SH3GL2: variants seen among roughly 807,000 people sequenced by gnomAD.
SH3GL2 encodes the protein SH3 domain containing GRB2 like 2, endophilin A1.
SH3GL2 carries 24 observed loss-of-function variants against 46.0 expected under a neutral mutation model. That is an observed-to-expected ratio of 0.52 (90% CI 0.38 to 0.73). SH3GL2 has a LOEUF of 0.73. Ranked by LOEUF, SH3GL2 falls within the 30% of genes least tolerant of loss-of-function variation. SH3GL2 has a pLI of 0.00. For synonymous variants in SH3GL2, 196 were observed against 147.1 expected (o/e 1.33, Z -2.40); for missense variants, 413 against 424.2 (o/e 0.97, Z 0.23).
intron 1 of SH3GL2, among the ~76,000 whole-genome samples, chr9:17,670,351 T>C (rs752450630): frequency 3.9e-5 from 6 of 152,206 alleles, no homozygotes; most frequent in Non-Finnish European, 7.3e-5. Context: ...GAAGGGAAGT[T>C]CTGCGAAGGA....
At chr9:17,674,284 T>C (rs1487452192) in intron 1 of SH3GL2, among the ~76,000 whole-genome samples, 1 of 152,168 alleles carries the variant, frequency 6.6e-6, no homozygotes, top group Non-Finnish European at 1.5e-5. Flanking sequence ...TTTATTTTTT[T>C]AAGACGGAGT....
At chr9:17,739,981 C>T (rs1822477020) in intron 1 of SH3GL2, among the ~76,000 whole-genome samples, 1 of 152,038 alleles carries the variant, frequency 6.6e-6, no homozygotes, top group Non-Finnish European at 1.5e-5. Context: ...GGAAAAAGGC[C>T]AAGTACTTAA....
At chr9:17,734,275 T>C (rs1349958369) in intron 1 of SH3GL2, among the ~76,000 whole-genome samples, 1 of 152,092 alleles carries the variant, frequency 6.6e-6, no homozygotes. Context: ...GTAGAAGCAT[T>C]TTGGAAGTTT....
chr9:17,692,382 C>T (rs887091756), intron 1 of SH3GL2, among the ~76,000 whole-genome samples: 2 of 151,866 alleles, frequency 1.3e-5, no homozygotes, highest in African/African-American at 4.8e-5. Flanking sequence ...TGGTGACTCA[C>T]ACCTGTAATT....
intron 1 of SH3GL2, among the ~76,000 whole-genome samples, chr9:17,670,619 G>A (rs958866048): frequency 6.6e-6 from 1 of 152,122 alleles, no homozygotes; most frequent in African/African-American, 2.4e-5. Context: ...GGAACAAGTA[G>A]CATTTTCTTT....
intron 1 of SH3GL2, among the ~76,000 whole-genome samples, chr9:17,652,218 T>G (rs1819974727): frequency 6.6e-6 from 1 of 152,138 alleles, no homozygotes; most frequent in Non-Finnish European, 1.5e-5. Flanking sequence ...TGTTACTGTT[T>G]TAGGTGCATG....
At chr9:17,723,017 G>A (rs3808690) in intron 1 of SH3GL2, among the ~76,000 whole-genome samples, 86,307 of 151,964 alleles carry the variant, frequency 0.57, 26,301 homozygotes, top group African/African-American at 0.78. Context: ...GACTAGCACT[G>A]TACAGTCAAA....
chr9:17,627,877 A>G (rs915260598), intron 1 of SH3GL2, among the ~76,000 whole-genome samples: 8 of 152,192 alleles, frequency 5.3e-5, no homozygotes, highest in African/African-American at 4.8e-5. Context: ...GTGACTCAAT[A>G]TAACAGTGGT....
intron 3 of SH3GL2, among the ~76,000 whole-genome samples, chr9:17,770,512 T>C (rs1457531534): frequency 6.6e-6 from 1 of 152,088 alleles, no homozygotes; most frequent in Non-Finnish European, 1.5e-5. Context: ...TCCCGTTGGG[T>C]GTAGATGGAA....
intron 1 of SH3GL2, among the ~76,000 whole-genome samples, chr9:17,657,187 G>T (rs1028913870): frequency 6.6e-6 from 1 of 152,162 alleles, no homozygotes; most frequent in Non-Finnish European, 1.5e-5. Flanking sequence ...TTAGTTGCCA[G>T]GCACTTTACA....
intron 1 of SH3GL2, among the ~76,000 whole-genome samples, chr9:17,631,959 G>A (rs950170692): frequency 6.6e-6 from 1 of 152,142 alleles, no homozygotes; most frequent in East Asian, 1.9e-4. Context: ...CATGTTAAAA[G>A]TCTTAATTTT....
intron 1 of SH3GL2, among the ~76,000 whole-genome samples, chr9:17,710,676 A>G (rs1172561880): frequency 6.6e-6 from 1 of 152,054 alleles, no homozygotes; most frequent in Non-Finnish European, 1.5e-5. Flanking sequence ...AATGTGGTAT[A>G]TATATGTGCA....
Position 17,724,957 on chromosome 9 carries a change from T to G in SH3GL2, c.46-22109T>G, listed in dbSNP as rs148133881. On this transcript the variant is annotated intron_variant, in intron 1 of 8. Coordinates refer to ENST00000380607, the MANE Select transcript of SH3GL2 (RefSeq NM_003026.5). ...CTTTCACGGTTCAGGGAATTTATAC[T>G]TTTGTCCTGAGTTCCACAAGGCTCT... Among the ~76,000 whole-genome samples, 257 of 152,258 alleles carry G rather than the reference T, an allele frequency of 1.7e-3. 1 individual carries two copies. Among genetic ancestry groups the G allele is most frequent in the East Asian group, 0.011 (57 of 5,154 alleles).
chr9:17,775,402 T>A (rs966342537), intron 3 of SH3GL2, among the ~76,000 whole-genome samples: 1 of 152,216 alleles, frequency 6.6e-6, no homozygotes, highest in Non-Finnish European at 1.5e-5. Context: ...CTGTACTTCA[T>A]TTTCCATCTG....
chr9:17,712,091 T>C (rs1464270777), intron 1 of SH3GL2, among the ~76,000 whole-genome samples: 2 of 151,834 alleles, frequency 1.3e-5, no homozygotes, highest in African/African-American at 4.8e-5. Flanking sequence ...TTTATGTGCT[T>C]TTTTTGCTAT....
chr9:17,610,979 A>G (rs1008257560), intron 1 of SH3GL2, among the ~76,000 whole-genome samples: 2 of 152,234 alleles, frequency 1.3e-5, no homozygotes, highest in Non-Finnish European at 2.9e-5. Flanking sequence ...AAAGTGTTAA[A>G]TAAAACCCTT....
chr9:17,760,795 C>G (rs1823147794), intron 2 of SH3GL2, among the ~76,000 whole-genome samples: 1 of 152,276 alleles, frequency 6.6e-6, no homozygotes, highest in South Asian at 2.1e-4. Context: ...TGAGCACCTT[C>G]CATGACCTCT....
chr9:17,683,504 G>C (rs1255818589), intron 1 of SH3GL2, among the ~76,000 whole-genome samples: 3 of 152,026 alleles, frequency 2.0e-5, no homozygotes, highest in African/African-American at 7.2e-5. Flanking sequence ...TACCTTTGGA[G>C]GAGGGTCAAA....
intron 2 of SH3GL2, among the ~76,000 whole-genome samples, chr9:17,761,001 A>T (rs913263306): frequency 1.3e-5 from 2 of 152,162 alleles, no homozygotes; most frequent in Admixed American, 1.3e-4. Flanking sequence ...TATTTTTAGG[A>T]TGTTCTTAGA....
Sources: gnomAD v4.1 joint callset for allele counts (sites outside exome capture counted in the v4.1 genomes callset) on GRCh38, gnomAD v4.1.1 for gene constraint, MANE v1.5 for transcripts, NCBI Gene and HGNC (gene_info 2026-07-23, HGNC 2026-07-21) for gene names.